TOP3B: variants seen among roughly 807,000 people sequenced by gnomAD.
TOP3B encodes DNA topoisomerase III beta.
In TOP3B, 45 loss-of-function variants were observed where a neutral mutation model predicts 93.9. That is an observed-to-expected ratio of 0.48 (90% CI 0.38 to 0.61). The LOEUF is 0.61. TOP3B is among the 20% of genes least tolerant of loss of function. The probability of loss-of-function intolerance (pLI) is 0.00; values close to 1 mark genes in which losing one functional copy is unlikely to be tolerated. For missense variants in TOP3B, 750 were observed against 1,156.1 expected (o/e 0.65, Z 5.09); for synonymous variants, 357 against 472.6 (o/e 0.76, Z 3.17).
intron 16 of TOP3B, 174 bp downstream of exon 16, chr22:21,958,958 G>T (rs1424711511): frequency 9.1e-7 from 1 of 1,095,134 alleles, no homozygotes; most frequent in Non-Finnish European, 1.3e-6. Flanking sequence ...TGGCCTAATG[G>T]CTGTGTATTC....
At chr22:21,969,930 AT>A (rs56123700) in intron 6 of TOP3B, 13,194 of 177,000 alleles carry the variant, frequency 0.075, 248 homozygotes, top group Middle Eastern at 0.12. Flanking sequence ...CAAAAAAATA[AT>A]TTTTTTTTTT....
chr22:21,975,677 C>G lies in TOP3B; in HGVS notation c.33G>C (p.Pro11=), dbSNP rs755857213. Residue 11 remains proline (P), a synonymous_variant, in exon 2 of 18, where the codon CCG becomes CCC. Coordinates refer to ENST00000357179, the MANE Select transcript of TOP3B (RefSeq NM_001282112.2). ...TTTTGGCAATTGACTGTGCCAAGGA[C>G]GGCTTTTCAGCAACCATGAGCACAG... is the stretch of plus-strand genomic sequence containing the variant. MKTVLMVAEK[P]SLAQSIAKIL... is the part of the protein sequence containing the mutation. 1.9e-6 allele frequency: 3 copies of G among 1,612,064 alleles called. No individual in the cohort carries two copies. The Admixed American group carries it at 5.0e-5, about 27-fold the overall frequency.
chr22:21,965,770 G>T, intron 8 of TOP3B: 1 of 154,942 alleles, frequency 6.5e-6, no homozygotes, highest in Middle Eastern at 3.2e-3. Context: ...GTGACGCTGA[G>T]GCAGAATTGC....
At position 21,962,757 on chromosome 22, in the gene TOP3B, G is replaced by A. The variant is rs1187838633; in HGVS notation, c.1341C>T (p.Val447=). The A allele has an allele frequency of 3.1e-6, 5 of 1,614,152 alleles. No homozygotes were observed. The Admixed American group carries it at 5.0e-5, about 16-fold the overall frequency. Residue 447 remains valine (V), a synonymous_variant, in exon 12 of 18, where the codon GTC becomes GTT. Coordinates refer to ENST00000357179, the MANE Select transcript of TOP3B (RefSeq NM_001282112.2). The stretch of plus-strand genomic sequence containing the variant: ...GGCCCGTGGTGTGACCTGGTGAGAG[G>A]ACGGTCTTCCCGGAGCAGGTGAAGA... ...PELFTCSGKT[V]LSPGFTEVMP...
Position 21,971,015 on chromosome 22 carries a change from G to A in TOP3B, c.385-609C>T, listed in dbSNP as rs1158151875. ...GTGCAGTGGGACTAGGGTCGCCGCC[G>A]GAGCCTGGCCACGCAGCTTCCTTAC... On this transcript the variant is annotated intron_variant, in intron 5 of 17. Coordinates refer to ENST00000357179, the MANE Select transcript of TOP3B (RefSeq NM_001282112.2). This position sits in a 1 kb window ranked among gnomAD's most constrained non-coding sequence, Gnocchi z 4.6. The A allele has an allele frequency of 1.6e-5, 21 of 1,299,610 alleles. No homozygotes were observed. The East Asian group carries it at 5.6e-4, about 35-fold the overall frequency. 80.5% of individuals were successfully genotyped at this position (1,299,610 alleles called of 1,614,324 possible).
chr22:21,960,234 G>T, intron 14 of TOP3B, 87 bp downstream of exon 14: 1 of 1,583,808 alleles, frequency 6.3e-7, no homozygotes, highest in Non-Finnish European at 8.6e-7. Context: ...TAGGGCAGGG[G>T]CCTGTCTGGA....
At chr22:21,979,941 C>CAAA (rs57880095) in intron 1 of TOP3B, among the ~76,000 whole-genome samples, 191 of 53,322 alleles carry the variant, frequency 3.6e-3, no homozygotes, top group African/African-American at 6.3e-3. Context: ...ACTCCATCTC[C>CAAA]AAAAAAAAAA....
At position 21,959,736 on chromosome 22, in the gene TOP3B, T is replaced by C; in HGVS notation, c.1655A>G (p.Asp552Gly). ...GATGGTGGGGAGCACCAGCTCTGCA[T>C]CTGCAAGTGGGCAGGGGGCAGATAT... Reference protein sequence around the residue: ...IVLVHGYYKIDAELVLPTIRS... With the variant: ...IVLVHGYYKIGAELVLPTIRS... The change falls in exon 15 of 18, where the codon GAT becomes GGT. Residue 552 changes from aspartate (D) to glycine (G), a missense_variant and splice_region_variant. This residue lies in a region of TOP3B where 737 missense variants were observed against 933.7 expected (regional missense o/e 0.79). Coordinates refer to ENST00000357179, the MANE Select transcript of TOP3B (RefSeq NM_001282112.2). The C allele has an allele frequency of 1.2e-6, 2 of 1,612,346 alleles. No individual in the cohort carries two copies. Among genetic ancestry groups the C allele is most frequent in the Non-Finnish European group, 1.7e-6 (2 of 1,179,534 alleles).
rs745446296 is a variant in TOP3B at position 21,960,297 on chromosome 22, TG to T, written c.1654+23del. On this transcript the variant is annotated intron_variant, in intron 14 of 17. Coordinates refer to ENST00000357179, the MANE Select transcript of TOP3B (RefSeq NM_001282112.2). ...GAAGCCAGGGAGCCTCGGTGGGCCC[TG>T]GGGGCAGGACTGAGGAACTCACCAA... 3.7e-6 allele frequency: 6 copies of T among 1,612,464 alleles called. No homozygotes were observed. The African/African-American group carries it at 6.7e-5, about 18-fold the overall frequency.
intron 3 of TOP3B, chr22:21,973,876 G>C (rs904940535): frequency 2.0e-5 from 3 of 152,588 alleles, no homozygotes; most frequent in African/African-American, 7.2e-5. Flanking sequence ...CAGAGCAGGG[G>C]GAAAAGCCTG....
chr22:21,960,430 A>G lies in TOP3B; in HGVS notation c.1545T>C (p.Pro515=), dbSNP rs1438580208. 1 of 1,613,484 alleles carries G rather than the reference A, an allele frequency of 6.2e-7. No homozygotes were observed. The highest frequency in any genetic ancestry group is 1.3e-5 in the African/African-American group (1 of 74,972). The change falls in exon 14 of 18, where the codon CCT becomes CCC. Residue 515 remains proline (P), a synonymous_variant. Transcript: ENST00000357179. ...GCTGGCAGATGTTGTTGATATGCAC[A>G]GGGATGCTGGCATCCGTGCCTGCAA... The part of the protein sequence containing the change: ...KHGIGTDASI[P]VHINNICQRN...
At chr22:21,977,929 G>A (rs2145883697) in intron 1 of TOP3B, among the ~76,000 whole-genome samples, 1 of 152,190 alleles carries the variant, frequency 6.6e-6, no homozygotes, top group East Asian at 1.9e-4. Context: ...GGGAGGGACA[G>A]GGCAGGGCTG....
rs1374933861 is a variant in TOP3B, at chr22:21,963,957, G to T, written c.1170C>A (p.Ile390=). ...KGHDAGDHPP[I]TPMKSATEAE... is the part of the protein sequence containing the mutation. The stretch of plus-strand genomic sequence containing the variant: ...CCTCTGTGGCAGACTTCATGGGGGT[G>T]ATGGGGGGATGGTCGCCGGCGTCAT... Residue 390 remains isoleucine, a synonymous_variant, in exon 11 of 18, where the codon ATC becomes ATA. Transcript: ENST00000357179. The surrounding 1 kb of genome is among the most constrained non-coding windows in gnomAD (Gnocchi z 4.8). The T allele has an allele frequency of 6.2e-7, 1 of 1,613,486 alleles. No homozygotes were observed. The highest frequency in any genetic ancestry group is 8.5e-7 in the Non-Finnish European group (1 of 1,179,932).
rs769186470 is a variant in TOP3B at position 21,974,459 on chromosome 22, C to T, written c.100G>A (p.Gly34Arg). The change falls in exon 3 of 18, where the codon GGG becomes AGG. Residue 34 changes from glycine (G) to arginine (R), a missense_variant. Physicochemically the swap from Gly to Arg is moderately radical, Grantham distance 125. Coordinates refer to ENST00000357179, the MANE Select transcript of TOP3B (RefSeq NM_001282112.2). ...GSLSSHKGLN[G>R]ACSVHEYTGT... ...GTGTACTCGTGGACTGAGCAGGCCC[C>T]GTTCAGCCCTTTGTGTGAGGACAGG... 1.5e-5 allele frequency: 24 copies of T among 1,613,000 alleles called. No homozygotes were observed. Among genetic ancestry groups the T allele is most frequent in the East Asian group, 1.3e-4 (6 of 44,780 alleles).
chr22:21,965,281 A>G lies in TOP3B; in HGVS notation c.943+4T>C, dbSNP rs1338720185. Reference sequence around the variant, plus strand: ...GGTGACTTGAGAGAAATGTCCCTACATACCCAGAGAAGAGCTGGCCACACG... The same window carrying G: ...GGTGACTTGAGAGAAATGTCCCTACGTACCCAGAGAAGAGCTGGCCACACG... On this transcript the variant is annotated splice_donor_region_variant and intron_variant, in intron 9 of 17. Coordinates refer to ENST00000357179, the MANE Select transcript of TOP3B (RefSeq NM_001282112.2). The G allele has an allele frequency of 1.3e-6, 2 of 1,590,370 alleles. No homozygotes were observed. Among genetic ancestry groups the G allele is most frequent in the Non-Finnish European group, 1.7e-6 (2 of 1,167,272 alleles).
chr22:21,962,287 C>T, intron 13 of TOP3B, 142 bp downstream of exon 13: 1 of 1,590,734 alleles, frequency 6.3e-7, no homozygotes, highest in South Asian at 1.1e-5. Context: ...TGGCCACACA[C>T]TGGGTCACCA....
chr22:21,964,198 A>G lies in TOP3B; in HGVS notation c.1061T>C (p.Leu354Pro), dbSNP rs2071320706. ...YPENFDLKGSLRQQANHPYWA... is the reference protein window; with the variant it reads ...YPENFDLKGSPRQQANHPYWA... ...GTAGGGGTGGTTGGCCTGCTGCCGC[A>G]GAGAGCCCTTCAGGTCAAAGTTCTC... is the stretch of plus-strand genomic sequence containing the variant. The change falls in exon 10 of 18, where the codon CTG (leucine) becomes CCG (proline). Residue 354 changes from leucine to proline, a missense_variant. Around this residue, in one of 4 missense-constraint regions of TOP3B, gnomAD observed 737 missense variants for 933.7 expected, o/e 0.79. Coordinates refer to ENST00000357179, the MANE Select transcript of TOP3B (RefSeq NM_001282112.2). 1 of 1,614,142 alleles carries G rather than the reference A, an allele frequency of 6.2e-7. No homozygotes were observed. Among genetic ancestry groups the G allele is most frequent in the Non-Finnish European group, 8.5e-7 (1 of 1,180,024 alleles).
At chr22:21,961,976 C>A in intron 13 of TOP3B, 1 of 563,314 alleles carries the variant, frequency 1.8e-6, no homozygotes, top group Non-Finnish European at 2.5e-6. Context: ...CCTGGTCACC[C>A]TTTGGGGAGC....
chr22:21,981,927 A>G (rs2084639919), intron 1 of TOP3B, among the ~76,000 whole-genome samples: 1 of 152,190 alleles, frequency 6.6e-6, no homozygotes, highest in African/African-American at 2.4e-5. Context: ...AATCAGGAAA[A>G]GAGGGAAACA....
Sources: gnomAD v4.1 joint callset for allele counts (sites outside exome capture counted in the v4.1 genomes callset) on GRCh38, gnomAD v4.1.1 for gene constraint, gnomAD v4.1.1 regional missense constraint, Gnocchi (gnomAD v3.1) non-coding constraint, MANE v1.5 for transcripts, NCBI Gene and HGNC (gene_info 2026-07-23, HGNC 2026-07-21) for gene names.